PPP4R1: variants seen among roughly 807,000 people sequenced by gnomAD.
PPP4R1 encodes the protein serine/threonine-protein phosphatase 4 regulatory subunit 1.
A neutral mutation model predicts 111.2 loss-of-function variants in PPP4R1; 42 were observed. The observed-to-expected ratio is 0.38, with a 90% CI of 0.29 to 0.49. The LOEUF (loss-of-function observed/expected upper bound fraction) is 0.49. Ranked by LOEUF, PPP4R1 falls within the 20% of genes least tolerant of loss-of-function variation. PPP4R1 has a pLI of 0.97. For synonymous variants in PPP4R1, 409 were observed against 405.5 expected (o/e 1.01, Z -0.10); for missense variants, 1,012 against 1,161.6 (o/e 0.87, Z 1.87).
intron 18 of PPP4R1, chr18:9,549,758 A>G (rs1477727480): frequency 5.7e-6 from 3 of 530,084 alleles, no homozygotes; most frequent in Non-Finnish European, 1.0e-5. Flanking sequence ...CACACGTCTG[A>G]ATGTGTGCAG....
intron 18 of PPP4R1, 71 bp downstream of exon 18, chr18:9,549,981 G>A: frequency 6.3e-7 from 1 of 1,593,938 alleles, no homozygotes; most frequent in Non-Finnish European, 8.6e-7. Context: ...GTGAGAGAGA[G>A]GTAGGAAGTT....
intron 8 of PPP4R1, among the ~76,000 whole-genome samples, chr18:9,583,757 T>G (rs2067070696): frequency 6.6e-6 from 1 of 151,982 alleles, no homozygotes; most frequent in South Asian, 2.1e-4. Context: ...TAATTTACTG[T>G]CTATTCCTAA....
chr18:9,555,910 G>A (rs540198813), intron 15 of PPP4R1, among the ~76,000 whole-genome samples: 3 of 152,086 alleles, frequency 2.0e-5, no homozygotes, highest in East Asian at 3.9e-4. Context: ...GCCAAGGTGG[G>A]CGGATCACAA....
At position 9,614,294 on chromosome 18, in the gene PPP4R1, G is replaced by C; in HGVS notation, c.8-24C>G. The stretch of plus-strand genomic sequence containing the variant: ...GTCTGCGCCGAGGGGAGAGAAGAAA[G>C]GCCCGGTCAGCGCCCCGGGGCCCGG... On this transcript the variant is annotated intron_variant, in intron 1 of 19. Coordinates refer to ENST00000400556, the MANE Select transcript of PPP4R1 (RefSeq NM_001042388.3). This position sits in a 1 kb window ranked among gnomAD's most constrained non-coding sequence, Gnocchi z 4.1. 1 of 1,269,950 alleles carries C rather than the reference G, an allele frequency of 7.9e-7. No individual in the cohort carries two copies. Among genetic ancestry groups the C allele is most frequent in the Non-Finnish European group, 1.0e-6 (1 of 995,744 alleles). 78.7% of individuals were successfully genotyped at this position (1,269,950 alleles called of 1,614,324 possible). A position where few individuals can be genotyped will look rare whatever the true frequency, so the allele number is the denominator to read the frequency against.
chr18:9,594,035 C>A, intron 3 of PPP4R1, 161 bp from the exon 4 acceptor site: 1 of 573,264 alleles, frequency 1.7e-6, no homozygotes, highest in Admixed American at 2.8e-5. Flanking sequence ...TCAGGTAATC[C>A]TCCCACCTCA....
chr18:9,547,756 T>G lies in PPP4R1; in HGVS notation c.*33A>C, dbSNP rs529707681. Reference sequence around the variant, plus strand: ...AATGCCCACTGAACCTCGGCTCTCATGGAAGCAGGAAAGACACCGAGATTC... The same window carrying G: ...AATGCCCACTGAACCTCGGCTCTCAGGGAAGCAGGAAAGACACCGAGATTC... On this transcript the variant is annotated 3_prime_UTR_variant, in exon 20 of 20. Coordinates refer to ENST00000400556, the MANE Select transcript of PPP4R1 (RefSeq NM_001042388.3). The G allele has an allele frequency of 2.5e-6, 4 of 1,609,876 alleles. No homozygotes were observed. The highest frequency in any genetic ancestry group is 1.1e-5 in the South Asian group (1 of 90,948).
At chr18:9,573,106 T>C (rs2066886172) in intron 10 of PPP4R1, among the ~76,000 whole-genome samples, 2 of 152,330 alleles carry the variant, frequency 1.3e-5, no homozygotes, top group South Asian at 4.1e-4. Flanking sequence ...GCAAAATAAA[T>C]GTGTCTTCTA....
chr18:9,584,612 A>C, intron 7 of PPP4R1, 32 bp from the exon 8 acceptor site: 1 of 1,608,728 alleles, frequency 6.2e-7, no homozygotes. Context: ...ACATTTCAAA[A>C]TATTACACAT....
intron 4 of PPP4R1, among the ~76,000 whole-genome samples, chr18:9,589,623 T>C (rs1223959664): frequency 6.6e-6 from 1 of 151,842 alleles, no homozygotes; most frequent in Non-Finnish European, 1.5e-5. Flanking sequence ...AAAACTTTAT[T>C]ATAGGCTGGG....
intron 9 of PPP4R1, among the ~76,000 whole-genome samples, chr18:9,581,096 C>T (rs1457706108): frequency 4.0e-5 from 6 of 151,616 alleles, no homozygotes; most frequent in South Asian, 2.1e-4. Context: ...CATGGGGGAG[C>T]GAGGACAACC....
intron 11 of PPP4R1, 75 bp from the exon 12 acceptor site, chr18:9,563,625 C>A: frequency 7.5e-7 from 1 of 1,325,616 alleles, no homozygotes. Flanking sequence ...TCTCCATTTG[C>A]ACTGTACGTT....
chr18:9,595,206 C>T (rs961711654), intron 2 of PPP4R1, 53 bp from the exon 3 acceptor site: 58 of 1,566,148 alleles, frequency 3.7e-5, no homozygotes, highest in Non-Finnish European at 4.9e-5. Context: ...TAAAATGTAC[C>T]CCTTGCCTGT....
At chr18:9,561,359 G>A (rs963792684) in intron 13 of PPP4R1, among the ~76,000 whole-genome samples, 3 of 152,084 alleles carry the variant, frequency 2.0e-5, no homozygotes, top group Non-Finnish European at 4.4e-5. Context: ...ATCTCCCACA[G>A]TGCCTTCTTA....
chr18:9,586,039 G>A (rs933276805), intron 6 of PPP4R1, among the ~76,000 whole-genome samples: 5 of 152,066 alleles, frequency 3.3e-5, no homozygotes, highest in East Asian at 3.9e-4. Context: ...TTTTGAATAA[G>A]CATCTCCATG....
In PPP4R1 at chr18:9,563,374, T is replaced by C. The variant is rs937730785; in HGVS notation, c.1746+4A>G. 6 of 1,605,620 alleles carry C rather than the reference T, an allele frequency of 3.7e-6. No homozygotes were observed. Among genetic ancestry groups the C allele is most frequent in the African/African-American group, 1.3e-5 (1 of 74,708 alleles). On this transcript the variant is annotated splice_donor_region_variant and intron_variant, in intron 12 of 19. Transcript: ENST00000400556. ...TTTGGTAAACACTTTACTGAGTTTGTTACCTCAACAGCATCGCTGATTAAA... is the reference window on the plus strand; with the variant it reads ...TTTGGTAAACACTTTACTGAGTTTGCTACCTCAACAGCATCGCTGATTAAA...
chr18:9,593,001 A>T (rs2067236853), intron 4 of PPP4R1, among the ~76,000 whole-genome samples: 1 of 152,164 alleles, frequency 6.6e-6, no homozygotes, highest in South Asian at 2.1e-4. Context: ...TAAACATTTA[A>T]CACATTCCCA....
Position 9,577,087 on chromosome 18 carries a change from C to G in PPP4R1, c.1023G>C (p.Glu341Asp), listed in dbSNP as rs1158229744. 7 of 1,577,310 alleles carry G rather than the reference C, an allele frequency of 4.4e-6. No individual in the cohort carries two copies. The highest frequency in any genetic ancestry group is 1.2e-5 in the South Asian group (1 of 84,800). ...ACCTATTTTTGTTTTCTACTGACAT[C>G]TCTTCTGAACTTTTGCTTTCTTCTT... Reference protein sequence around the residue: ...YFKEESKSSEEMSVENKNRTR... With the variant: ...YFKEESKSSEDMSVENKNRTR... Residue 341 changes from glutamate to aspartate, a missense_variant, in exon 10 of 20, where the codon GAG (glutamate) becomes GAC (aspartate). Glu to Asp is a conservative substitution (Grantham distance 45). This residue lies in a region of PPP4R1 where 707 missense variants were observed against 742.1 expected (regional missense o/e 0.95). Coordinates refer to ENST00000400556, the MANE Select transcript of PPP4R1 (RefSeq NM_001042388.3).
chr18:9,563,678 T>C (rs1054870244), intron 11 of PPP4R1, 128 bp from the exon 12 acceptor site: 70 of 861,724 alleles, frequency 8.1e-5, no homozygotes, highest in Non-Finnish European at 1.1e-4. Flanking sequence ...ATCAAAAAGC[T>C]GGAAAAAAAT....
In PPP4R1 at chr18:9,559,539, C is replaced by T. The variant is rs182422907; in HGVS notation, c.1908G>A (p.Thr636=). 58 of 1,613,470 alleles carry T rather than the reference C, an allele frequency of 3.6e-5. No individual in the cohort carries two copies. In the East Asian group the frequency reaches 8.0e-4, roughly 22 times the overall value. The change falls in exon 14 of 20, where the codon ACG becomes ACA. Residue 636 remains threonine (T), a synonymous_variant. Transcript: ENST00000400556. ...LSMTDPSRAQ[T]VDTEIAKHCA... ...AGTGCTTAGCAATTTCAGTGTCAAC[C>T]GTCTGTGCACGAGAAGGGTCAGTCA... is the stretch of plus-strand genomic sequence containing the variant.
Sources: allele counts gnomAD v4.1 joint callset (sites outside exome capture counted in the v4.1 genomes callset), GRCh38; gene constraint gnomAD v4.1.1; regional missense constraint gnomAD v4.1.1; non-coding constraint Gnocchi (gnomAD v3.1); transcripts MANE v1.5; gene names NCBI Gene and HGNC (gene_info 2026-07-23, HGNC 2026-07-21).